Variants in ADD3 observed in about 807,000 individuals in gnomAD.
ADD3 encodes the protein adducin 3.
In ADD3, 25 loss-of-function variants were observed where a neutral mutation model predicts 80.2. The ratio of observed to expected loss-of-function variants is 0.31; its 90% confidence interval spans 0.23 to 0.44. The LOEUF (loss-of-function observed/expected upper bound fraction) is 0.44, where lower values mean the gene tolerates loss of function less well. Among genes scored for constraint, ADD3 ranks in the 20% least tolerant of loss-of-function variants. The probability of loss-of-function intolerance (pLI) is 1.00; values close to 1 mark genes in which losing one functional copy is unlikely to be tolerated. For synonymous variants in ADD3, 284 were observed against 289.6 expected (o/e 0.98, Z 0.20); for missense variants, 829 against 847.5 (o/e 0.98, Z 0.27).
chr10:110,084,719 C>T (rs1462178682), intron 1 of ADD3, among the ~76,000 whole-genome samples: 1 of 152,122 alleles, frequency 6.6e-6, no homozygotes, highest in African/African-American at 2.4e-5. Context: ...TCTTTTGGCT[C>T]TCATTAGGTA....
At chr10:110,131,448 A>T (rs1048322195) in intron 13 of ADD3, among the ~76,000 whole-genome samples, 1 of 152,206 alleles carries the variant, frequency 6.6e-6, no homozygotes, top group Non-Finnish European at 1.5e-5. Flanking sequence ...CCTGTCACCC[A>T]AAAAGAGGGT....
At chr10:110,094,936 T>G (rs1440241287) in intron 1 of ADD3, among the ~76,000 whole-genome samples, 1 of 152,264 alleles carries the variant, frequency 6.6e-6, no homozygotes, top group Non-Finnish European at 1.5e-5. Context: ...TACAGCCATC[T>G]CTTTGCTTAT....
chr10:110,003,980 A>T (rs1454650621), upstream of ADD3, among the ~76,000 whole-genome samples: 1 of 152,140 alleles, frequency 6.6e-6, no homozygotes, highest in Non-Finnish European at 1.5e-5. Flanking sequence ...TTCATTTTTT[A>T]AAGTATCCGT....
chr10:110,040,964 G>GTCTCTCTC (rs66979569), intron 1 of ADD3, among the ~76,000 whole-genome samples: 10 of 149,402 alleles, frequency 6.7e-5, no homozygotes, highest in African/African-American at 2.5e-4. Flanking sequence ...GTCTCTCTCT[G>GTCTCTCTC]TCTCTCTCTC....
intron 1 of ADD3, among the ~76,000 whole-genome samples, chr10:110,030,489 G>T (rs1193339439): frequency 2.6e-5 from 4 of 151,352 alleles, no homozygotes. Context: ...TAAGCAACTG[G>T]ATTCCCTTGG....
rs1004641436 is a variant in ADD3 at position 110,106,411 on chromosome 10, T to G, written c.195+5563T>G. On this transcript the variant is annotated intron_variant, in intron 2 of 14. Coordinates refer to ENST00000356080, the MANE Select transcript of ADD3 (RefSeq NM_016824.5). ...CTTAAGTATTTTATCTCCTGCCACT[T>G]TCTCCTGAAAGTTCTGACCTTGGAT... is the stretch of plus-strand genomic sequence containing the variant. Among the ~76,000 whole-genome samples the G allele has an allele frequency of 9.7e-4, 148 of 152,044 alleles. 2 individuals carry two copies. The highest frequency in any genetic ancestry group is 2.8e-4 in the Non-Finnish European group (19 of 67,946).
In ADD3 at chr10:110,133,529, C is replaced by T. The variant is rs754838862; in HGVS notation, c.2032C>T (p.Pro678Ser). The T allele has an allele frequency of 1.1e-5, 18 of 1,612,404 alleles. No individual in the cohort carries two copies. Among genetic ancestry groups the T allele is most frequent in the Non-Finnish European group, 1.5e-5 (18 of 1,179,336 alleles). The change falls in exon 15 of 15, where the codon CCT becomes TCT. Residue 678 changes from proline to serine, a missense_variant. Transcript: ENST00000356080. ...IEEVLSPEGS[P>S]SKSPSKKKKK... ...AGAAGTCCTGTCACCTGAAGGCTCC[C>T]CTTCAAAATCGCCATCCAAGAAAAA...
intron 1 of ADD3, among the ~76,000 whole-genome samples, chr10:110,014,094 C>A (rs1852642403): frequency 6.6e-6 from 1 of 152,160 alleles, no homozygotes; most frequent in African/African-American, 2.4e-5. Flanking sequence ...GTTTACTCAT[C>A]CTCCTGAAGA....
At chr10:110,088,139 C>G (rs575599979) in intron 1 of ADD3, among the ~76,000 whole-genome samples, 1 of 152,274 alleles carries the variant, frequency 6.6e-6, no homozygotes, top group East Asian at 1.9e-4. Flanking sequence ...TCACCCTAAT[C>G]CAGTATGATC....
intron 1 of ADD3, among the ~76,000 whole-genome samples, chr10:110,028,754 T>C (rs945926216): frequency 2.6e-5 from 4 of 152,222 alleles, no homozygotes; most frequent in African/African-American, 9.6e-5. Flanking sequence ...TGAGTTTTGC[T>C]AATTTTATTT....
At chr10:110,126,334 G>A in intron 11 of ADD3, 83 bp from the exon 12 acceptor site, 2 of 1,051,782 alleles carry the variant, frequency 1.9e-6, no homozygotes, top group Non-Finnish European at 2.9e-6. Flanking sequence ...ATGTCAAGTA[G>A]TAAGCTTTTA....
At chr10:110,035,180 T>A (rs1457688435) in intron 1 of ADD3, among the ~76,000 whole-genome samples, 1 of 152,176 alleles carries the variant, frequency 6.6e-6, no homozygotes. Flanking sequence ...TATTGAAATA[T>A]AAAATAAACG....
intron 1 of ADD3, among the ~76,000 whole-genome samples, chr10:110,012,835 G>A (rs984396210): frequency 6.6e-6 from 1 of 151,826 alleles, no homozygotes; most frequent in Non-Finnish European, 1.5e-5. Context: ...CTGGGCTCAA[G>A]CCATCCTCCC....
intron 1 of ADD3, among the ~76,000 whole-genome samples, chr10:110,017,646 A>G (rs1163355119): frequency 1.3e-5 from 2 of 152,192 alleles, no homozygotes; most frequent in South Asian, 2.1e-4. Context: ...GTACTTTTCA[A>G]TATGGCAATA....
intron 1 of ADD3, among the ~76,000 whole-genome samples, chr10:110,032,078 T>C (rs974100401): frequency 6.6e-6 from 1 of 152,138 alleles, no homozygotes; most frequent in African/African-American, 2.4e-5. Context: ...AAGAAGAGTC[T>C]CCTTTGCTAA....
chr10:110,055,274 T>C (rs756352588), intron 1 of ADD3, among the ~76,000 whole-genome samples: 15 of 152,106 alleles, frequency 9.9e-5, no homozygotes, highest in Non-Finnish European at 1.6e-4. Flanking sequence ...CCATAGAAAA[T>C]AGTGGTAAAG....
At chr10:110,031,340 A>G (rs905842763) in intron 1 of ADD3, among the ~76,000 whole-genome samples, 4 of 152,222 alleles carry the variant, frequency 2.6e-5, no homozygotes, top group Non-Finnish European at 5.9e-5. Flanking sequence ...TGTGCAAGGT[A>G]CAGTGCTAGG....
At chr10:110,079,427 T>TGAGAGAGAGA (rs60960051) in intron 1 of ADD3, 1 of 122,580 alleles carries the variant, frequency 8.2e-6, no homozygotes, top group Admixed American at 8.7e-5. Context: ...AAAAAAATGA[T>TGAGAGAGAGA]GAGAGAGAGA....
intron 1 of ADD3, among the ~76,000 whole-genome samples, chr10:110,083,771 A>G (rs1220946173): frequency 6.6e-6 from 1 of 152,168 alleles, no homozygotes; most frequent in Admixed American, 6.5e-5. Flanking sequence ...TTGGAAAACT[A>G]TAGTAGTTGG....
Sources: allele counts gnomAD v4.1 joint callset (sites outside exome capture counted in the v4.1 genomes callset), GRCh38; gene constraint gnomAD v4.1.1; transcripts MANE v1.5; gene names NCBI Gene and HGNC (gene_info 2026-07-23, HGNC 2026-07-21).